HSP90AA1: variants seen among roughly 807,000 people sequenced by gnomAD.
HSP90AA1 encodes the protein heat shock protein HSP 90-alpha.
Under a neutral mutation model 73.3 loss-of-function variants are expected in HSP90AA1, and 18 were observed. That is an observed-to-expected ratio of 0.25 (90% confidence interval 0.17 to 0.36). The LOEUF (loss-of-function observed/expected upper bound fraction) is 0.36. HSP90AA1 is among the 10% of genes least tolerant of loss of function. The pLI is 1.00. For missense variants in HSP90AA1, 704 were observed against 874.2 expected (o/e 0.81, Z 2.45); for synonymous variants, 477 against 296.9 (o/e 1.61, Z -6.24).
intron 1 of HSP90AA1, among the ~76,000 whole-genome samples, chr14:102,122,564 A>C (rs1275563809): frequency 6.6e-6 from 1 of 152,122 alleles, no homozygotes; most frequent in Non-Finnish European, 1.5e-5. Context: ...TATAGGCGTG[A>C]GCCACTGTGC....
chr14:102,139,243 T>C (rs2050157785), intron 1 of HSP90AA1: 4 of 1,613,938 alleles, frequency 2.5e-6, no homozygotes, highest in Non-Finnish European at 3.4e-6. Flanking sequence ...CTTGAGTCCC[T>C]TGGTACCTTC....
At chr14:102,113,621 T>C (rs2049669851) in intron 1 of HSP90AA1, among the ~76,000 whole-genome samples, 1 of 152,090 alleles carries the variant, frequency 6.6e-6, no homozygotes, top group African/African-American at 2.4e-5. Flanking sequence ...CCTCAAGTGA[T>C]CTGCCTGCTT....
intron 2 of HSP90AA1, chr14:102,101,794 C>T: frequency 8.4e-7 from 1 of 1,184,394 alleles, no homozygotes; most frequent in Non-Finnish European, 1.2e-6. Flanking sequence ...TTCTGTGACT[C>T]CAACCACCGG....
chr14:102,088,287 T>C (rs1277279658), upstream of HSP90AA1, among the ~76,000 whole-genome samples: 1 of 152,212 alleles, frequency 6.6e-6, no homozygotes, highest in Admixed American at 6.5e-5. Flanking sequence ...GCCTAGTCCA[T>C]GTCCTCTTCC....
intron 1 of HSP90AA1, among the ~76,000 whole-genome samples, chr14:102,137,580 C>A (rs548034522): frequency 3.6e-4 from 55 of 152,160 alleles, no homozygotes; most frequent in African/African-American, 1.3e-3. Flanking sequence ...GCCTCGGCCT[C>A]CCAAAGTGAT....
intron 1 of HSP90AA1, among the ~76,000 whole-genome samples, chr14:102,134,490 G>A (rs1198084320): frequency 6.6e-6 from 1 of 152,128 alleles, no homozygotes; most frequent in Non-Finnish European, 1.5e-5. Flanking sequence ...CCCTCGCAGT[G>A]AGTGTTACAA....
intron 1 of HSP90AA1, among the ~76,000 whole-genome samples, chr14:102,102,340 T>G (rs2049505193): frequency 6.6e-6 from 1 of 152,214 alleles, no homozygotes; most frequent in Non-Finnish European, 1.5e-5. Context: ...ACTCCAGCAG[T>G]GCTTCTCTGG....
chr14:102,126,138 A>G (rs1177321555), intron 1 of HSP90AA1, among the ~76,000 whole-genome samples: 2 of 152,130 alleles, frequency 1.3e-5, no homozygotes, highest in East Asian at 1.9e-4. Flanking sequence ...ATAAGCAGAG[A>G]GCATACCAGG....
chr14:102,091,658 A>G (rs1486298862), upstream of HSP90AA1, among the ~76,000 whole-genome samples: 2 of 151,722 alleles, frequency 1.3e-5, no homozygotes, highest in Non-Finnish European at 1.5e-5. Context: ...AGACAGTCTC[A>G]CTCTCTTGCC....
At chr14:102,112,471 G>C (rs1437494822) in intron 1 of HSP90AA1, among the ~76,000 whole-genome samples, 3 of 152,088 alleles carry the variant, frequency 2.0e-5, no homozygotes, top group South Asian at 4.1e-4. Context: ...ACCGTGCCTG[G>C]CTCTCCCTTT....
chr14:102,083,749 A>T (rs35077536), intron 7 of HSP90AA1, 44 bp downstream of exon 7: 4 of 1,576,664 alleles, frequency 2.5e-6, no homozygotes, highest in Non-Finnish European at 3.5e-6. Flanking sequence ...AAAAAAAAAA[A>T]ACTAAAGAGG....
intron 10 of HSP90AA1, 56 bp from the exon 11 acceptor site, chr14:102,081,877 G>A: frequency 4.5e-6 from 4 of 881,228 alleles, no homozygotes; most frequent in South Asian, 1.3e-5. Context: ...CAGCTATTAG[G>A]GTAATACTCT....
chr14:102,131,382 T>C (rs1031320681), intron 1 of HSP90AA1, among the ~76,000 whole-genome samples: 5 of 152,338 alleles, frequency 3.3e-5, no homozygotes, highest in African/African-American at 1.2e-4. Flanking sequence ...AGTTGCTACC[T>C]ACCTCTGGCA....
chr14:102,086,412 A>AG, intron 1 of HSP90AA1, 34 bp from the exon 2 acceptor site: 1 of 1,613,628 alleles, frequency 6.2e-7, no homozygotes, highest in Non-Finnish European at 8.5e-7. Context: ...AAAACCTTGC[A>AG]GGACGTCTAC....
intron 6 of HSP90AA1, 81 bp downstream of exon 6, chr14:102,084,318 T>A: frequency 7.5e-7 from 1 of 1,327,138 alleles, no homozygotes; most frequent in South Asian, 1.2e-5. Flanking sequence ...AGTGCTAGGA[T>A]TATAGGTGTG....
intron 1 of HSP90AA1, among the ~76,000 whole-genome samples, chr14:102,116,834 A>C (rs1019308641): frequency 6.6e-6 from 1 of 152,086 alleles, no homozygotes; most frequent in African/African-American, 2.4e-5. Flanking sequence ...AAAGGGGCCC[A>C]TTGAGGACCT....
chr14:102,084,336 A>T, intron 6 of HSP90AA1, 63 bp downstream of exon 6: 1 of 1,489,824 alleles, frequency 6.7e-7, no homozygotes, highest in Non-Finnish European at 9.4e-7. Flanking sequence ...GTGAGCCACC[A>T]TGCCCACCCA....
rs146682419 is a variant in HSP90AA1, at chr14:102,110,737, G to A, written c.156-8652C>T. 1.1e-3 allele frequency among the ~76,000 whole-genome samples: 168 copies of A among 152,154 alleles called. No individual in the cohort carries two copies. The Middle Eastern group carries it at 0.014, about 12-fold the overall frequency. ...TCGGACTACAGGTGCCCCCCACCAC[G>A]CCCGGCTAATTTTTTTCTATTTTTT... On this transcript the variant is annotated intron_variant, in intron 1 of 11. Coordinates refer to the HSP90AA1 transcript ENST00000334701.
chr14:102,088,916 T>C (rs1047787947), upstream of HSP90AA1, among the ~76,000 whole-genome samples: 22 of 151,890 alleles, frequency 1.4e-4, no homozygotes, highest in African/African-American at 4.1e-4. Flanking sequence ...TCTTTTTTTT[T>C]TTTTTTTAGA....
Sources: gnomAD v4.1 joint callset for allele counts (sites outside exome capture counted in the v4.1 genomes callset) on GRCh38, gnomAD v4.1.1 for gene constraint, MANE v1.5 for transcripts, NCBI Gene and HGNC (gene_info 2026-07-23, HGNC 2026-07-21) for gene names.